Variants in SLC12A2 observed in about 807,000 individuals in gnomAD.
SLC12A2 encodes the protein Na-K-2Cl cotransporter 1.
SLC12A2 carries 67 observed loss-of-function variants against 136.3 expected under a neutral mutation model. That is an observed-to-expected ratio of 0.49 (90% CI 0.40 to 0.60). The LOEUF (loss-of-function observed/expected upper bound fraction) is 0.60, where lower values mean the gene tolerates loss of function less well. Among genes scored for constraint, SLC12A2 ranks in the 20% least tolerant of loss-of-function variants. The pLI, the probability that SLC12A2 is intolerant of heterozygous loss-of-function variation, is 0.00. For synonymous variants in SLC12A2, 619 were observed against 562.9 expected, an observed-to-expected ratio of 1.10 and a Z score of -1.41; for missense variants, 1,322 against 1,534.7, an observed-to-expected ratio of 0.86 and a Z score of 2.32.
At chr5:128,158,300 A>C (rs188011259) in intron 16 of SLC12A2, 136 bp downstream of exon 16, 9 of 668,854 alleles carry the variant, frequency 1.3e-5, no homozygotes, top group East Asian at 8.3e-5. Context: ...TTTGTCACCC[A>C]GGTAATAAGC....
At chr5:128,146,218 A>G (rs923234747) in intron 10 of SLC12A2, among the ~76,000 whole-genome samples, 12 of 152,014 alleles carry the variant, frequency 7.9e-5, no homozygotes, top group African/African-American at 2.9e-4. Flanking sequence ...TGTAAGCACA[A>G]TATGGTTATC....
intron 1 of SLC12A2, among the ~76,000 whole-genome samples, chr5:128,106,098 A>G (rs551248062): frequency 6.6e-6 from 1 of 152,286 alleles, no homozygotes; most frequent in Admixed American, 6.5e-5. Flanking sequence ...GGAAACTTCA[A>G]ATCATAATGC....
chr5:128,181,763 C>T lies in SLC12A2; in HGVS notation c.3212+769C>T, dbSNP rs17164293. Among the ~76,000 whole-genome samples the T allele has an allele frequency of 4.4e-3, 675 of 152,210 alleles. 5 individuals carry two copies. The highest frequency in any genetic ancestry group is 0.016 in the African/African-American group (647 of 41,538). ...TTCTGTTTCCCCCAGTGTTTCAGTA[C>T]ACTTTTCCCTATGCTCTAAACATGC... On this transcript the variant is annotated intron_variant, in intron 23 of 26. Coordinates refer to ENST00000262461, the MANE Select transcript of SLC12A2 (RefSeq NM_001046.3).
At chr5:128,113,958 C>T (rs868617205) in intron 2 of SLC12A2, among the ~76,000 whole-genome samples, 3 of 152,146 alleles carry the variant, frequency 2.0e-5, no homozygotes, top group Non-Finnish European at 4.4e-5. Flanking sequence ...TGCTGCTTCA[C>T]ACAATTGTGA....
chr5:128,130,613 C>A (rs1006165355), intron 4 of SLC12A2, among the ~76,000 whole-genome samples: 8 of 150,722 alleles, frequency 5.3e-5, no homozygotes, highest in African/African-American at 2.0e-4. Flanking sequence ...ACCCAGGAGG[C>A]AGAGGTTGCA....
chr5:128,156,554 T>C (rs909443510), intron 15 of SLC12A2, among the ~76,000 whole-genome samples: 1 of 152,192 alleles, frequency 6.6e-6, no homozygotes, highest in Non-Finnish European at 1.5e-5. Context: ...ACAAGTTAAT[T>C]TCTCACAATA....
Position 128,159,365 on chromosome 5 carries a change from C to T in SLC12A2, c.2475+1201C>T, listed in dbSNP as rs146931808. 5.5e-3 allele frequency among the ~76,000 whole-genome samples: 843 copies of T among 152,250 alleles called. 3 individuals carry two copies. The highest frequency in any genetic ancestry group is 0.024 in the Middle Eastern group (7 of 294). ...ATGGGCACAGACTTCATGACTAAAA[C>T]ACCAAAAGCAATGGCAGCAAAAGCC... On this transcript the variant is annotated intron_variant, in intron 16 of 26. Transcript: ENST00000262461.
chr5:128,115,169 G>C (rs1182717251), intron 4 of SLC12A2, among the ~76,000 whole-genome samples: 1 of 152,196 alleles, frequency 6.6e-6, no homozygotes, highest in African/African-American at 2.4e-5. Context: ...CTCTCACCCA[G>C]GTTGGAGTGC....
Position 128,102,596 on chromosome 5 carries a change from CTTTTTTTTTTTTTTT to C in SLC12A2, c.757-10201_757-10187del, listed in dbSNP as rs70997362. 7.2e-3 allele frequency among the ~76,000 whole-genome samples: 292 copies of C among 40,448 alleles called. 3 individuals carry two copies. Among genetic ancestry groups the C allele is most frequent in the African/African-American group, 0.018 (207 of 11,488 alleles). The allele number at this position is 40,448 out of a possible 152,430, so 26.5% of individuals were successfully genotyped here. On this transcript the variant is annotated intron_variant, in intron 1 of 26. Coordinates refer to ENST00000262461, the MANE Select transcript of SLC12A2 (RefSeq NM_001046.3). ...TTCTGTAATTCACCCCCCCCCCCGC[CTTTTTTTTTTTTTTT>C]TTTTTTTTTTTTTTTTCTTTTGAGG...
At chr5:128,167,094 T>A (rs1015071230) in intron 17 of SLC12A2, among the ~76,000 whole-genome samples, 3 of 152,076 alleles carry the variant, frequency 2.0e-5, no homozygotes, top group African/African-American at 7.2e-5. Flanking sequence ...ATTTATAGAA[T>A]AAGGGGGGTT....
chr5:128,151,321 A>G lies in SLC12A2; in HGVS notation c.2188A>G (p.Ile730Val), dbSNP rs773765754. 39 of 1,612,916 alleles carry G rather than the reference A, an allele frequency of 2.4e-5. No homozygotes were observed. Among genetic ancestry groups the G allele is most frequent in the Non-Finnish European group, 3.1e-5 (37 of 1,179,434 alleles). ...AILCCIVMFV[I>V]NWWAALLTYV... ...TCTTTGTTGCATAGTAATGTTCGTC[A>G]TTAACTGGTGGGCTGCATTGCTAAC... Residue 730 changes from isoleucine (I) to valine (V), a missense_variant, in exon 14 of 27, where the codon ATT becomes GTT. By Grantham distance (29) the Ile-to-Val change is conservative. Around this residue, in one of 8 missense-constraint regions of SLC12A2, gnomAD observed 294 missense variants for 436.6 expected, o/e 0.67. Coordinates refer to ENST00000262461, the MANE Select transcript of SLC12A2 (RefSeq NM_001046.3).
intron 1 of SLC12A2, among the ~76,000 whole-genome samples, chr5:128,097,687 T>C (rs900470514): frequency 2.6e-5 from 4 of 152,138 alleles, no homozygotes; most frequent in Non-Finnish European, 5.9e-5. Flanking sequence ...CAGTACTTTC[T>C]CTTTCCTCAG....
chr5:128,171,518 A>C (rs1462925051), intron 18 of SLC12A2, 149 bp from the exon 19 acceptor site: 1 of 622,696 alleles, frequency 1.6e-6, no homozygotes, highest in Non-Finnish European at 2.8e-6. Context: ...ACATATCTCA[A>C]CAAGTGATTT....
chr5:128,129,931 G>T lies in SLC12A2; in HGVS notation c.1049-1136G>T, dbSNP rs149041947. On this transcript the variant is annotated intron_variant, in intron 4 of 26. Transcript: ENST00000262461. Reference sequence around the variant, plus strand: ...AGTTAGAAAAAATAACTTGCTTCTTGATAGCTCATTTAATATCTTTGTTTA... The same window carrying T: ...AGTTAGAAAAAATAACTTGCTTCTTTATAGCTCATTTAATATCTTTGTTTA... Among the ~76,000 whole-genome samples the T allele has an allele frequency of 5.3e-4, 80 of 152,002 alleles. No homozygotes were observed. In the East Asian group the frequency reaches 0.014, roughly 26 times the overall value.
chr5:128,140,027 C>G lies in SLC12A2; in HGVS notation c.1621+1119C>G, dbSNP rs539370289. On this transcript the variant is annotated intron_variant, in intron 9 of 26. Transcript: ENST00000262461. ...TGTTTTTTGTTTTTTGAGACGGAGT[C>G]TCACTCTGTTTCCCAGGCTGGAGTG... Among the ~76,000 whole-genome samples, 2 of 151,958 alleles carry G rather than the reference C, an allele frequency of 1.3e-5. 1 individual carries two copies. The highest frequency in any genetic ancestry group is 4.1e-4 in the South Asian group (2 of 4,830).
chr5:128,148,912 T>C (rs1226021203), intron 12 of SLC12A2, 35 bp downstream of exon 12: 1 of 1,521,088 alleles, frequency 6.6e-7, no homozygotes, highest in Non-Finnish European at 8.9e-7. Context: ...TTGTAGATTT[T>C]TGGTGCATAT....
At chr5:128,175,654 T>C (rs2126751530) in intron 20 of SLC12A2, among the ~76,000 whole-genome samples, 1 of 152,126 alleles carries the variant, frequency 6.6e-6, no homozygotes, top group Non-Finnish European at 1.5e-5. Context: ...ATGTTACCCA[T>C]ACATTAGCTA....
chr5:128,120,000 A>C (rs549088331), intron 4 of SLC12A2, among the ~76,000 whole-genome samples: 1 of 152,148 alleles, frequency 6.6e-6, no homozygotes, highest in South Asian at 2.1e-4. Flanking sequence ...ATGAACTCAA[A>C]CAAATTTACA....
intron 7 of SLC12A2, among the ~76,000 whole-genome samples, chr5:128,136,214 A>G (rs529856312): frequency 6.6e-6 from 1 of 152,304 alleles, no homozygotes; most frequent in East Asian, 1.9e-4. Flanking sequence ...GCATTTTTCA[A>G]GAGTGCAGGC....
Sources: gnomAD v4.1 joint callset for allele counts (sites outside exome capture counted in the v4.1 genomes callset) on GRCh38, gnomAD v4.1.1 for gene constraint, gnomAD v4.1.1 regional missense constraint, MANE v1.5 for transcripts, NCBI Gene and HGNC (gene_info 2026-07-23, HGNC 2026-07-21) for gene names.